The following AARS1 variants were observed in gnomAD, a reference collection of about 807,000 sequenced individuals.
AARS1 encodes the protein alanine--tRNA ligase, cytoplasmic.
AARS1 carries 72 observed loss-of-function variants against 108.9 expected under a neutral mutation model. The observed-to-expected ratio is 0.66, with a 90% confidence interval of 0.55 to 0.80. The LOEUF is 0.80. Among genes scored for constraint, AARS1 ranks in the 30% least tolerant of loss-of-function variants. The probability of loss-of-function intolerance (pLI) is 0.00; values close to 1 mark genes in which losing one functional copy is unlikely to be tolerated. For missense variants in AARS1, 1,193 were observed against 1,233.2 expected (o/e 0.97, Z 0.49); for synonymous variants, 489 against 465.7 (o/e 1.05, Z -0.64).
chr16:70,275,650 C>A (rs1960526206), intron 4 of AARS1, among the ~76,000 whole-genome samples: 1 of 151,748 alleles, frequency 6.6e-6, no homozygotes, highest in African/African-American at 2.4e-5. Flanking sequence ...GTAGTCCCAG[C>A]TACTCGGGAG....
chr16:70,259,331 T>A lies in AARS1; in HGVS notation c.1786-145A>T, dbSNP rs1960079262. 2.6e-5 allele frequency: 22 copies of A among 854,978 alleles called. No individual in the cohort carries two copies. In the South Asian group the frequency reaches 3.4e-4, roughly 13 times the overall value. The allele number at this position is 854,978 out of a possible 1,614,324, so 53.0% of individuals were successfully genotyped here. A position where few individuals can be genotyped will look rare whatever the true frequency, so the allele number is the denominator to read the frequency against. On this transcript the variant is annotated intron_variant, in intron 13 of 20. Transcript: ENST00000261772. ...TTACATTTCCCAGCTTCCCTATGGC[T>A]AAGTGTGTCCATGTGACTAAGTTCG... is the stretch of plus-strand genomic sequence containing the variant.
At chr16:70,279,548 C>T (rs1960640448) in intron 2 of AARS1, among the ~76,000 whole-genome samples, 1 of 150,554 alleles carries the variant, frequency 6.6e-6, no homozygotes, top group African/African-American at 2.4e-5. Context: ...TAATCCTAGC[C>T]ACTCGGGAGG....
intron 19 of AARS1, 149 bp downstream of exon 19, chr16:70,253,565 C>T: frequency 1.8e-6 from 2 of 1,087,924 alleles, no homozygotes; most frequent in Non-Finnish European, 2.7e-6. Flanking sequence ...AGGTATGCCT[C>T]CCACATGCAG....
chr16:70,252,947 G>T, intron 20 of AARS1, 41 bp from the exon 21 acceptor site: 1 of 1,593,786 alleles, frequency 6.3e-7, no homozygotes, highest in Non-Finnish European at 8.6e-7. Context: ...CACAGAAGAT[G>T]GGATTGAGGG....
intron 2 of AARS1, among the ~76,000 whole-genome samples, chr16:70,277,371 C>T (rs1597446343): frequency 6.6e-6 from 1 of 152,094 alleles, no homozygotes; most frequent in Admixed American, 6.6e-5. Context: ...CCTAACAGTC[C>T]CCACCACCAC....
intron 2 of AARS1, among the ~76,000 whole-genome samples, chr16:70,277,880 G>A (rs1421909791): frequency 1.3e-5 from 2 of 151,582 alleles, no homozygotes; most frequent in African/African-American, 2.4e-5. Flanking sequence ...AGCCTCCCAA[G>A]TAGCTGAGAT....
chr16:70,276,695 C>T (rs891676068), intron 3 of AARS1, 64 bp from the exon 4 acceptor site: 1 of 1,541,562 alleles, frequency 6.5e-7, no homozygotes, highest in Admixed American at 1.7e-5. Flanking sequence ...TAGTATGAGA[C>T]CAGATGCTAG....
rs183076680 is a variant in AARS1 at position 70,252,877 on chromosome 16, G to A, written c.2751C>T (p.Ser917=). ...QNAANRGLKA[S]EWVQQVSGLM... ...AGCCTGACACCTGCTGCACCCACTC[G>A]CTGGCTTTTAAGCCCCGATTGGCTG... is the stretch of plus-strand genomic sequence containing the variant. The change falls in exon 21 of 21, where the codon AGC becomes AGT. Residue 917 remains serine (S), a synonymous_variant. Transcript: ENST00000261772. The A allele has an allele frequency of 8.7e-6, 14 of 1,614,062 alleles. No homozygotes were observed. The highest frequency in any genetic ancestry group is 1.1e-5 in the Non-Finnish European group (13 of 1,179,932).
chr16:70,271,468 C>T (rs1437230053), intron 5 of AARS1, among the ~76,000 whole-genome samples: 4 of 150,928 alleles, frequency 2.7e-5, no homozygotes, highest in African/African-American at 4.9e-5. Flanking sequence ...ACAGATGTTG[C>T]AGTAAGCCAA....
At chr16:70,262,191 C>A (rs1164336512) in intron 12 of AARS1, among the ~76,000 whole-genome samples, 155 bp downstream of exon 12, 1 of 152,220 alleles carries the variant, frequency 6.6e-6, no homozygotes, top group Non-Finnish European at 1.5e-5. Context: ...GCAACAGGTA[C>A]AAGCAACAGC....
rs1679069745 is a variant in AARS1, at chr16:70,269,642, C to A, written c.938G>T (p.Gly313Val). 1 of 1,614,154 alleles carries A rather than the reference C, an allele frequency of 6.2e-7. No homozygotes were observed. Among genetic ancestry groups the A allele is most frequent in the East Asian group, 2.2e-5 (1 of 44,886 alleles). Reference protein sequence around the residue: ...RTITVALADGGRPDNTGRGYV... With the variant: ...RTITVALADGVRPDNTGRGYV... ...CCCACGCCCTGTGTTGTCAGGCCGGCCACCATCAGCCAGTGCCACAGTGAT... is the reference window on the plus strand; with the variant it reads ...CCCACGCCCTGTGTTGTCAGGCCGGACACCATCAGCCAGTGCCACAGTGAT... The change falls in exon 7 of 21, where the codon GGC becomes GTC. Residue 313 changes from glycine (G) to valine (V), a missense_variant. Coordinates refer to ENST00000261772, the MANE Select transcript of AARS1 (RefSeq NM_001605.3).
chr16:70,257,717 C>G (rs1960025066), intron 15 of AARS1, among the ~76,000 whole-genome samples: 1 of 152,226 alleles, frequency 6.6e-6, no homozygotes, highest in South Asian at 2.1e-4. Context: ...CCAGGCCTTG[C>G]TGAATCCCAA....
At chr16:70,288,250 T>G (rs1002848522) in intron 1 of AARS1, among the ~76,000 whole-genome samples, 1 of 151,656 alleles carries the variant, frequency 6.6e-6, no homozygotes, top group African/African-American at 2.4e-5. Flanking sequence ...CTACTGGGAC[T>G]ACGGGCGCCA....
chr16:70,279,675 A>G (rs973882375), intron 2 of AARS1, among the ~76,000 whole-genome samples: 1 of 134,232 alleles, frequency 7.4e-6, no homozygotes, highest in Non-Finnish European at 1.7e-5. Context: ...AAAAACAAAA[A>G]AAAAAAAAAA....
chr16:70,263,915 G>A (rs758749578), intron 11 of AARS1, among the ~76,000 whole-genome samples: 1 of 152,110 alleles, frequency 6.6e-6, no homozygotes, highest in Non-Finnish European at 1.5e-5. Flanking sequence ...GGGATTACAG[G>A]CATGAGTCAT....
At chr16:70,261,921 G>A (rs1960141730) in intron 12 of AARS1, among the ~76,000 whole-genome samples, 1 of 151,976 alleles carries the variant, frequency 6.6e-6, no homozygotes, top group Admixed American at 6.6e-5. Flanking sequence ...CACCCGCCTT[G>A]GCCTCCCAAA....
intron 11 of AARS1, among the ~76,000 whole-genome samples, chr16:70,263,629 C>A (rs1960197924): frequency 6.6e-6 from 1 of 151,784 alleles, no homozygotes; most frequent in African/African-American, 2.4e-5. Context: ...ACATGTATTG[C>A]CAATTTATTT....
chr16:70,257,956 T>G, intron 15 of AARS1, 77 bp downstream of exon 15: 1 of 1,527,932 alleles, frequency 6.5e-7, no homozygotes, highest in Non-Finnish European at 9.0e-7. Context: ...CAGACAAGAG[T>G]TGGTCCAGCC....
In AARS1 at chr16:70,253,966, CCTT is replaced by C; in HGVS notation, c.2470_2472del (p.Lys824del). 6.2e-7 allele frequency: 1 copy of C among 1,614,178 alleles called. No individual in the cohort carries two copies. The highest frequency in any genetic ancestry group is 8.5e-7 in the Non-Finnish European group (1 of 1,180,048). ...CTGGCTCGGTCCAAGTCATCCATGA[CCTT>C]CTTTAGGGATTTGAGAGTCTCCCGC... On this transcript the variant is annotated inframe_deletion, in exon 18 of 21. Transcript: ENST00000261772.
Sources: gnomAD v4.1 joint callset for allele counts (sites outside exome capture counted in the v4.1 genomes callset) on GRCh38, gnomAD v4.1.1 for gene constraint, MANE v1.5 for transcripts, NCBI Gene and HGNC (gene_info 2026-07-23, HGNC 2026-07-21) for gene names.